USP49: variants seen among roughly 807,000 people sequenced by gnomAD.
USP49 encodes ubiquitin carboxyl-terminal hydrolase 49.
USP49 carries 24 observed loss-of-function variants against 58.6 expected under a neutral mutation model. That is an observed-to-expected ratio of 0.41 (90% confidence interval 0.30 to 0.58). USP49 has a LOEUF of 0.58. Ranked by LOEUF, USP49 falls within the 20% of genes least tolerant of loss-of-function variation. USP49 has a pLI of 0.30. For missense variants in USP49, 703 were observed against 866.1 expected (o/e 0.81, Z 2.36); for synonymous variants, 408 against 365.1 (o/e 1.12, Z -1.34).
At chr6:41,832,363 C>T (rs1230317398) in intron 3 of USP49, among the ~76,000 whole-genome samples, 1 of 152,210 alleles carries the variant, frequency 6.6e-6, no homozygotes, top group Non-Finnish European at 1.5e-5. Flanking sequence ...CTATGTAAGA[C>T]TATCATGCTT....
At chr6:41,854,676 G>GT (rs1466231690) in intron 3 of USP49, among the ~76,000 whole-genome samples, 14 of 152,286 alleles carry the variant, frequency 9.2e-5, no homozygotes, top group African/African-American at 3.1e-4. Context: ...GTGTGTGCAT[G>GT]TAAGTGTACA....
At chr6:41,812,233 C>T (rs1474742892) in intron 3 of USP49, among the ~76,000 whole-genome samples, 1 of 151,878 alleles carries the variant, frequency 6.6e-6, no homozygotes, top group Non-Finnish European at 1.5e-5. Flanking sequence ...GCATGCGCCA[C>T]CACGCCCGGC....
At chr6:41,872,695 G>A (rs1407129978) in intron 2 of USP49, among the ~76,000 whole-genome samples, 2 of 149,990 alleles carry the variant, frequency 1.3e-5, no homozygotes, top group Admixed American at 1.3e-4. Flanking sequence ...TCAGGAGATC[G>A]AGACAATCCA....
chr6:41,825,272 A>T (rs755170593), intron 3 of USP49, among the ~76,000 whole-genome samples: 1 of 152,218 alleles, frequency 6.6e-6, no homozygotes, highest in Non-Finnish European at 1.5e-5. Flanking sequence ...AATTTACTGT[A>T]GCAGGAGATG....
At chr6:41,867,243 G>A (rs1281712691) in intron 3 of USP49, among the ~76,000 whole-genome samples, 5 of 152,078 alleles carry the variant, frequency 3.3e-5, no homozygotes, top group Middle Eastern at 3.4e-3. Flanking sequence ...CTAATTACAC[G>A]ACCTGTAAGT....
At chr6:41,842,570 A>G (rs1180221304) in intron 3 of USP49, among the ~76,000 whole-genome samples, 1 of 152,152 alleles carries the variant, frequency 6.6e-6, no homozygotes, top group Non-Finnish European at 1.5e-5. Flanking sequence ...TCATGTCAGT[A>G]TATGTCAAAT....
In USP49 at chr6:41,796,518, A is replaced by G. The variant is rs1401944410; in HGVS notation, c.*15T>C. ...ACCAATACACAAAAGCCAGTCTTTG[A>G]TACATGCCTCCCATTCAGGAAAATG... On this transcript the variant is annotated 3_prime_UTR_variant, in exon 8 of 8. Coordinates refer to ENST00000682992, the MANE Select transcript of USP49 (RefSeq NM_001286554.2). The G allele has an allele frequency of 1.4e-6, 1 of 716,650 alleles. No homozygotes were observed. Among genetic ancestry groups the G allele is most frequent in the Non-Finnish European group, 2.6e-6 (1 of 384,804 alleles). 44.4% of individuals were successfully genotyped at this position (716,650 alleles called of 1,614,324 possible). A position where few individuals can be genotyped will look rare whatever the true frequency, so the allele number is the denominator to read the frequency against.
chr6:41,800,010 T>A (rs1772969048), intron 5 of USP49, 72 bp from the exon 6 acceptor site: 1 of 1,341,824 alleles, frequency 7.5e-7, no homozygotes, highest in Admixed American at 1.8e-5. Context: ...GACAGTGACT[T>A]GCCATTCAAT....
intron 3 of USP49, among the ~76,000 whole-genome samples, chr6:41,825,461 G>T (rs1293533328): frequency 6.6e-6 from 1 of 151,328 alleles, no homozygotes; most frequent in Non-Finnish European, 1.5e-5. Flanking sequence ...AAAGATATGA[G>T]AACACGAAAA....
chr6:41,804,313 G>A (rs1022599344), intron 4 of USP49, among the ~76,000 whole-genome samples: 8 of 152,144 alleles, frequency 5.3e-5, no homozygotes, highest in African/African-American at 1.9e-4. Context: ...CAGACTGCAA[G>A]TTATCATGCA....
chr6:41,805,874 G>A lies in USP49; in HGVS notation c.1110C>T (p.Ser370=). The part of the protein sequence containing the change: ...ELHTLFRVMW[S]GKWALVSPFA... ...AGGGCGACACTAGGGCCCACTTCCC[G>A]GACCACATGACTCGGAAGAGGGTGT... is the stretch of plus-strand genomic sequence containing the variant. The change falls in exon 4 of 8, where the codon TCC becomes TCT. Residue 370 remains serine (S), a synonymous_variant. Coordinates refer to ENST00000682992, the MANE Select transcript of USP49 (RefSeq NM_001286554.2). The A allele has an allele frequency of 1.2e-6, 2 of 1,613,968 alleles. No homozygotes were observed.
chr6:41,821,292 C>T (rs1294920079), intron 3 of USP49, among the ~76,000 whole-genome samples: 1 of 152,138 alleles, frequency 6.6e-6, no homozygotes, highest in Admixed American at 6.5e-5. Context: ...TCAAGTTGCC[C>T]CCAACCCCAC....
intron 3 of USP49, among the ~76,000 whole-genome samples, chr6:41,849,220 A>G (rs1232349849): frequency 6.6e-6 from 1 of 152,234 alleles, no homozygotes; most frequent in African/African-American, 2.4e-5. Context: ...AAGATAAAAA[A>G]TGACATGATA....
At chr6:41,835,790 T>C (rs957336517) in intron 3 of USP49, among the ~76,000 whole-genome samples, 1 of 149,976 alleles carries the variant, frequency 6.7e-6, no homozygotes, top group African/African-American at 2.5e-5. Flanking sequence ...ATGATATAAA[T>C]TGGCTGGGCA....
At chr6:41,887,586 G>A (rs1774735474) in intron 2 of USP49, among the ~76,000 whole-genome samples, 1 of 152,128 alleles carries the variant, frequency 6.6e-6, no homozygotes, top group African/African-American at 2.4e-5. Context: ...GTGGGGCAAA[G>A]ACATAGACAA....
At chr6:41,837,534 C>A (rs893568455) in intron 3 of USP49, among the ~76,000 whole-genome samples, 1 of 152,200 alleles carries the variant, frequency 6.6e-6, no homozygotes, top group Non-Finnish European at 1.5e-5. Flanking sequence ...ATTCTGGACA[C>A]AGGCCCTGGC....
At chr6:41,859,399 T>G (rs1774181690) in intron 3 of USP49, among the ~76,000 whole-genome samples, 1 of 152,204 alleles carries the variant, frequency 6.6e-6, no homozygotes, top group African/African-American at 2.4e-5. Context: ...CACATCTTGG[T>G]ATAGTCACTC....
intron 3 of USP49, among the ~76,000 whole-genome samples, chr6:41,830,721 G>A (rs1020662424): frequency 3.9e-5 from 6 of 151,988 alleles, no homozygotes; most frequent in African/African-American, 1.2e-4. Flanking sequence ...CACTCAGGAG[G>A]CTGAAGCAAG....
chr6:41,806,619 G>A lies in USP49; in HGVS notation c.365C>T (p.Ser122Leu), dbSNP rs2127324605. The A allele has an allele frequency of 1.9e-6, 3 of 1,611,140 alleles. No homozygotes were observed. Among genetic ancestry groups the A allele is most frequent in the East Asian group, 2.2e-5 (1 of 44,856 alleles). ...RRGRTLRSMA[S>L]GEDVVLPQRA... is the part of the protein sequence containing the mutation. ...CTGCGGCAGGACCACGTCCTCACCC[G>A]AAGCCATGGACCGCAGCGTCCGCCC... The change falls in exon 4 of 8, where the codon TCG becomes TTG. Residue 122 changes from serine (S) to leucine (L), a missense_variant. This residue lies in a region of USP49 where 376 missense variants were observed against 373.5 expected (regional missense o/e 1.01). Coordinates refer to ENST00000682992, the MANE Select transcript of USP49 (RefSeq NM_001286554.2). This position sits in a 1 kb window ranked among gnomAD's most constrained non-coding sequence, Gnocchi z 5.9.
Sources: allele counts gnomAD v4.1 joint callset (sites outside exome capture counted in the v4.1 genomes callset), GRCh38; gene constraint gnomAD v4.1.1; regional missense constraint gnomAD v4.1.1; non-coding constraint Gnocchi (gnomAD v3.1); transcripts MANE v1.5; gene names NCBI Gene and HGNC (gene_info 2026-07-23, HGNC 2026-07-21).